The following DLGAP2 variants were observed in gnomAD, a reference collection of about 807,000 sequenced individuals.
DLGAP2 encodes the protein disks large-associated protein 2.
In DLGAP2, 26 loss-of-function variants were observed where a neutral mutation model predicts 100.3. The observed-to-expected ratio is 0.26, with a 90% CI of 0.19 to 0.36. DLGAP2 has a LOEUF of 0.36. Ranked by LOEUF, DLGAP2 falls within the 10% of genes least tolerant of loss-of-function variation. The pLI is 1.00. For synonymous variants in DLGAP2, 886 were observed against 630.1 expected (o/e 1.41, Z -6.08); for missense variants, 1,858 against 1,453.2 (o/e 1.28, Z -4.53).
intron 6 of DLGAP2, among the ~76,000 whole-genome samples, chr8:1,617,356 C>A (rs1188194344): frequency 6.6e-6 from 1 of 152,214 alleles, no homozygotes; most frequent in Non-Finnish European, 1.5e-5. Context: ...AGTGTATGAG[C>A]ATTCCCTTTT....
At chr8:1,437,158 G>C (rs11782829) in intron 3 of DLGAP2, among the ~76,000 whole-genome samples, 5,514 of 69,170 alleles carry the variant, frequency 0.08, 838 homozygotes, top group East Asian at 0.3. Flanking sequence ...TGCGTTCAGC[G>C]CAGGCGCGTA....
rs776420004 is a variant in DLGAP2 at position 1,549,389 on chromosome 8, C to T, written c.936C>T (p.Pro312=). ...ACAGCGACAGCACCTATCGGACGCC[C>T]AGCGTGCTCAACCGGCACCACCTGG... ...NLDSDSTYRT[P]SVLNRHHLGP... Residue 312 remains proline, a synonymous_variant, in exon 5 of 15, where the codon CCC becomes CCT. Transcript: ENST00000637795. The T allele has an allele frequency of 6.8e-6, 11 of 1,613,364 alleles. No homozygotes were observed. In the South Asian group the frequency reaches 1.1e-4, roughly 16 times the overall value.
intron 2 of DLGAP2, among the ~76,000 whole-genome samples, chr8:967,115 C>T (rs1002064328): frequency 2.0e-5 from 3 of 152,228 alleles, no homozygotes; most frequent in Non-Finnish European, 4.4e-5. Flanking sequence ...GATGTCTTTC[C>T]AGCACAGGCT....
chr8:996,975 C>T (rs4496992), intron 2 of DLGAP2, among the ~76,000 whole-genome samples: 29,536 of 152,084 alleles, frequency 0.19, 3,027 homozygotes, highest in Admixed American at 0.25. Flanking sequence ...TCTGGAGGTA[C>T]ATTAATCTTA....
At chr8:1,143,240 AG>A (rs1362375467) in intron 2 of DLGAP2, among the ~76,000 whole-genome samples, 2 of 152,210 alleles carry the variant, frequency 1.3e-5, no homozygotes, top group Non-Finnish European at 2.9e-5. Context: ...TGTGCTGGAA[AG>A]GACAGAAAGT....
At chr8:1,146,423 G>T (rs911348423) in intron 2 of DLGAP2, among the ~76,000 whole-genome samples, 3 of 152,228 alleles carry the variant, frequency 2.0e-5, no homozygotes, top group Admixed American at 6.5e-5. Context: ...CTCTTAAATG[G>T]AATCTTTGAT....
chr8:1,617,280 T>G (rs1330205693), intron 6 of DLGAP2, among the ~76,000 whole-genome samples: 3 of 152,226 alleles, frequency 2.0e-5, no homozygotes, highest in Non-Finnish European at 2.9e-5. Context: ...AGTTCTGTTT[T>G]TAGTTCTTTG....
chr8:867,305 T>C (rs1490303490), intron 1 of DLGAP2, among the ~76,000 whole-genome samples: 1 of 152,220 alleles, frequency 6.6e-6, no homozygotes, highest in African/African-American at 2.4e-5. Context: ...CAAGTATGTA[T>C]AATTATTCCA....
chr8:1,208,450 G>C (rs543702083), intron 2 of DLGAP2, among the ~76,000 whole-genome samples: 1 of 152,164 alleles, frequency 6.6e-6, no homozygotes, highest in Non-Finnish European at 1.5e-5. Context: ...AAAACCCTCA[G>C]CAGAATTGGC....
intron 2 of DLGAP2, among the ~76,000 whole-genome samples, chr8:928,971 C>A (rs1480847393): frequency 2.8e-5 from 4 of 144,540 alleles, no homozygotes; most frequent in African/African-American, 7.7e-5. Flanking sequence ...GAAGACCCCC[C>A]CCGCCATTCC....
chr8:1,462,587 C>A (rs1003979617), intron 3 of DLGAP2, among the ~76,000 whole-genome samples: 3 of 152,126 alleles, frequency 2.0e-5, no homozygotes, highest in African/African-American at 7.2e-5. Context: ...GCTGCTGTCA[C>A]GGGACTGTGG....
chr8:1,676,540 C>A lies in DLGAP2; in HGVS notation c.2210C>A (p.Thr737Lys). The change falls in exon 11 of 15, where the codon ACG (threonine) becomes AAG (lysine). Residue 737 changes from threonine to lysine, a missense_variant. Transcript: ENST00000637795. ...CGTTCTCTGTTGAATTAGGTGGAAA[C>A]GGCCACAGATTCTGACACGGAGAGC... ...HQPYPRSDVE[T>K]ATDSDTESRG... 2 of 1,613,022 alleles carry A rather than the reference C, an allele frequency of 1.2e-6. No homozygotes were observed. Among genetic ancestry groups the A allele is most frequent in the Non-Finnish European group, 1.7e-6 (2 of 1,179,508 alleles).
chr8:976,012 G>A (rs751416748), intron 2 of DLGAP2, among the ~76,000 whole-genome samples: 27 of 152,056 alleles, frequency 1.8e-4, no homozygotes, highest in Non-Finnish European at 2.8e-4. Flanking sequence ...AAGATACAAG[G>A]TTATTATACA....
At chr8:1,279,463 T>A (rs897924532) in intron 3 of DLGAP2, among the ~76,000 whole-genome samples, 7 of 152,226 alleles carry the variant, frequency 4.6e-5, no homozygotes, top group African/African-American at 1.7e-4. Flanking sequence ...GAAATACATA[T>A]CCCAATTAAT....
chr8:1,138,595 G>A (rs540307333), intron 2 of DLGAP2, among the ~76,000 whole-genome samples: 13 of 152,356 alleles, frequency 8.5e-5, no homozygotes, highest in East Asian at 1.9e-4. Flanking sequence ...GTTCAAGTGC[G>A]AATAAAGTGC....
intron 3 of DLGAP2, among the ~76,000 whole-genome samples, chr8:1,478,587 G>A (rs1799002981): frequency 6.6e-6 from 1 of 151,948 alleles, no homozygotes; most frequent in Non-Finnish European, 1.5e-5. Flanking sequence ...ATCTGGTCCG[G>A]GACGCGGCAC....
intron 3 of DLGAP2, among the ~76,000 whole-genome samples, chr8:1,294,972 T>C (rs1040736355): frequency 6.6e-6 from 1 of 152,050 alleles, no homozygotes. Flanking sequence ...TTTTACAAGA[T>C]ATTTAAACTT....
rs185043507 is a variant in DLGAP2 at position 1,086,424 on chromosome 8, G to A, written c.74-172427G>A. Among the ~76,000 whole-genome samples, 585 of 152,190 alleles carry A rather than the reference G, an allele frequency of 3.8e-3. 4 individuals are homozygous for A. The highest frequency in any genetic ancestry group is 6.7e-3 in the Admixed American group (103 of 15,292). ...TGTCATATATGGCCTTTGTTGTATTGAGGTACATTCATTCTATATCTAATT... is the reference window on the plus strand; with the variant it reads ...TGTCATATATGGCCTTTGTTGTATTAAGGTACATTCATTCTATATCTAATT... On this transcript the variant is annotated intron_variant, in intron 2 of 14. Coordinates refer to ENST00000637795, the MANE Select transcript of DLGAP2 (RefSeq NM_001346810.2).
intron 3 of DLGAP2, among the ~76,000 whole-genome samples, chr8:1,471,607 GC>G (rs1798795426): frequency 2.8e-5 from 4 of 144,662 alleles, no homozygotes; most frequent in African/African-American, 5.2e-5. Flanking sequence ...CTCACCTCCT[GC>G]CCACAGCCCA....
Sources: gnomAD v4.1 joint callset for allele counts (sites outside exome capture counted in the v4.1 genomes callset) on GRCh38, gnomAD v4.1.1 for gene constraint, MANE v1.5 for transcripts, NCBI Gene and HGNC (gene_info 2026-07-23, HGNC 2026-07-21) for gene names.